The following ATP2B3 variants were observed in gnomAD, a reference collection of about 807,000 sequenced individuals.
ATP2B3 encodes plasma membrane calcium-transporting ATPase 3.
Under a neutral mutation model 70.8 loss-of-function variants are expected in ATP2B3, and 12 were observed. The observed-to-expected ratio is 0.17, with a 90% CI of 0.11 to 0.27. The LOEUF (loss-of-function observed/expected upper bound fraction) is 0.27, where lower values mean the gene tolerates loss of function less well. Ranked by LOEUF, ATP2B3 falls within the 10% of genes least tolerant of loss-of-function variation. The probability of loss-of-function intolerance (pLI) is 1.00; values close to 1 mark genes in which losing one functional copy is unlikely to be tolerated. For missense variants in ATP2B3, 858 were observed against 1,118.5 expected (o/e 0.77, Z 3.32); for synonymous variants, 460 against 497.8 (o/e 0.92, Z 1.01).
chrX:153,568,223 G>T (rs112902489), intron 21 of ATP2B3, among the ~76,000 whole-genome samples: 8 of 111,619 alleles, frequency 7.2e-5, no homozygotes, highest in Non-Finnish European at 1.5e-4. Flanking sequence ...TTTCTGAAGC[G>T]CTCATGACTC....
chrX:153,527,873 C>T (rs1329207700), intron 2 of ATP2B3, among the ~76,000 whole-genome samples: 3 of 112,727 alleles, frequency 2.7e-5, no homozygotes, highest in Non-Finnish European at 5.6e-5. Flanking sequence ...GCTGACTCAG[C>T]GAAGAGCATT....
At chrX:153,560,613 G>T in intron 18 of ATP2B3, 63 bp from the exon 19 acceptor site, 1 of 1,145,219 alleles carries the variant, frequency 8.7e-7, no homozygotes, top group Non-Finnish European at 1.2e-6. Context: ...CCGAAGTCTC[G>T]CTCCTGAGTA....
intron 2 of ATP2B3, among the ~76,000 whole-genome samples, chrX:153,529,819 G>A (rs782641561): frequency 1.8e-5 from 2 of 110,789 alleles, no homozygotes; most frequent in Non-Finnish European, 3.8e-5. Flanking sequence ...CTACAGTGTT[G>A]GCCTCTCTGT....
intron 2 of ATP2B3, among the ~76,000 whole-genome samples, chrX:153,522,654 T>C (rs781972084): frequency 1.8e-5 from 2 of 111,971 alleles, no homozygotes; most frequent in Admixed American, 9.4e-5. Flanking sequence ...AAGCATGTAC[T>C]CTCCAGGGGC....
intron 10 of ATP2B3, 105 bp from the exon 11 acceptor site, chrX:153,549,392 A>T: frequency 8.5e-7 from 1 of 1,171,083 alleles, no homozygotes; most frequent in African/African-American, 1.7e-5. Context: ...CCACACGTGG[A>T]GCTAGCTGAG....
chrX:153,538,593 C>T (rs372397197), intron 3 of ATP2B3, among the ~76,000 whole-genome samples: 38 of 112,936 alleles, frequency 3.4e-4, no homozygotes, highest in Admixed American at 3.0e-3. Flanking sequence ...GGGGCGGATT[C>T]GCTGGGAGCC....
At chrX:153,564,811 T>C in intron 20 of ATP2B3, 110 bp from the exon 21 acceptor site, 1 of 833,952 alleles carries the variant, frequency 1.2e-6, no homozygotes. Context: ...CAAAAACAAA[T>C]GACATCCTTT....
At chrX:153,543,422 G>A (rs781825049) in intron 7 of ATP2B3, among the ~76,000 whole-genome samples, 2 of 112,977 alleles carry the variant, frequency 1.8e-5, no homozygotes, top group African/African-American at 6.4e-5. Flanking sequence ...CAAAGGCTCC[G>A]GGATCCCATA....
intron 2 of ATP2B3, among the ~76,000 whole-genome samples, chrX:153,519,355 G>A (rs1361721408): frequency 8.9e-6 from 1 of 112,028 alleles, no homozygotes; most frequent in Middle Eastern, 4.2e-3. Flanking sequence ...TGGTGGGGCA[G>A]GGAGGCGGGG....
At chrX:153,569,553 A>G in intron 21 of ATP2B3, 1 of 1,189,088 alleles carries the variant, frequency 8.4e-7, no homozygotes, top group Non-Finnish European at 1.1e-6. Flanking sequence ...CCTCCGTGAT[A>G]GCCTGGACAA....
intron 9 of ATP2B3, among the ~76,000 whole-genome samples, 188 bp from the exon 10 acceptor site, chrX:153,548,452 C>T (rs1454804554): frequency 8.9e-6 from 1 of 111,767 alleles, no homozygotes; most frequent in Admixed American, 9.4e-5. Context: ...CACAGAGCCC[C>T]CTTGCAAACA....
At chrX:153,554,372 C>G (rs1375977477) in intron 13 of ATP2B3, among the ~76,000 whole-genome samples, 2 of 113,303 alleles carry the variant, frequency 1.8e-5, no homozygotes, top group Non-Finnish European at 3.7e-5. Context: ...TCGAGTCCCT[C>G]TGTTGGACCA....
chrX:153,545,325 G>T (rs190222733), intron 7 of ATP2B3, among the ~76,000 whole-genome samples: 55 of 113,151 alleles, frequency 4.9e-4, no homozygotes, highest in African/African-American at 1.7e-3. Context: ...GTTGACCAAT[G>T]ACCTGAAAGC....
At chrX:153,569,772 C>T (rs1557019377) in intron 21 of ATP2B3, 1 of 1,206,549 alleles carries the variant, frequency 8.3e-7, no homozygotes. Context: ...TCTTGACTTC[C>T]CTTTTCTCTC....
chrX:153,555,575 G>A (rs2090521469), intron 13 of ATP2B3, among the ~76,000 whole-genome samples: 1 of 111,501 alleles, frequency 9.0e-6, no homozygotes, highest in South Asian at 3.8e-4. Context: ...TGTCTTCCCT[G>A]TCCCCCCACC....
intron 3 of ATP2B3, among the ~76,000 whole-genome samples, chrX:153,538,908 G>A (rs66488566): frequency 0.12 from 13,588 of 112,580 alleles, 918 homozygotes; most frequent in African/African-American, 0.26. Context: ...TGGCGAGGGC[G>A]AGGGAGCTCC....
At position 153,549,418 on chromosome X, in the gene ATP2B3, C is replaced by T. The variant is rs146923034; in HGVS notation, c.1339-79C>T. ...GCTAGCTGAGCAGAACAGAGTCACG[C>T]GATGTTTGTGTTGACATCTCTCACT... On this transcript the variant is annotated intron_variant, in intron 10 of 21. Coordinates refer to ENST00000263519, the MANE Select transcript of ATP2B3 (RefSeq NM_001001344.3). The T allele has an allele frequency of 2.5e-3, 2,953 of 1,191,093 alleles. 41 individuals carry two copies. The African/African-American group carries it at 0.045, about 18-fold the overall frequency.
chrX:153,542,946 G>C (rs919705866), intron 6 of ATP2B3, 97 bp from the exon 7 acceptor site: 24 of 1,086,439 alleles, frequency 2.2e-5, no homozygotes, highest in Non-Finnish European at 4.9e-6. Flanking sequence ...CCGCGTCCCT[G>C]CTTCCGGGAG....
chrX:153,572,680 C>T (rs2090806481), intron 21 of ATP2B3, among the ~76,000 whole-genome samples: 1 of 111,579 alleles, frequency 9.0e-6, no homozygotes, highest in Admixed American at 9.5e-5. Context: ...AACTTCTGAC[C>T]CCCAGCTCCA....
Sources: gnomAD v4.1 joint callset for allele counts (sites outside exome capture counted in the v4.1 genomes callset) on GRCh38, gnomAD v4.1.1 for gene constraint, MANE v1.5 for transcripts, NCBI Gene and HGNC (gene_info 2026-07-23, HGNC 2026-07-21) for gene names.